The following ERCC1 variants were observed in gnomAD, a reference collection of about 807,000 sequenced individuals.
ERCC1 encodes DNA excision repair protein ERCC-1.
ERCC1 carries 36 observed loss-of-function variants against 37.6 expected under a neutral mutation model. The ratio of observed to expected loss-of-function variants is 0.96; its 90% CI spans 0.73 to 1.26. ERCC1 has a LOEUF of 1.26. Ranked by LOEUF, ERCC1 falls within the 50% of genes most tolerant of loss-of-function variation. ERCC1 has a pLI of 0.00. For synonymous variants in ERCC1, 156 were observed against 162.1 expected (o/e 0.96, Z 0.28); for missense variants, 349 against 376.5 (o/e 0.93, Z 0.60).
At chr19:45,429,750 A>G (rs1238779382) in intron 1 of ERCC1, among the ~76,000 whole-genome samples, 1 of 151,974 alleles carries the variant, frequency 6.6e-6, no homozygotes. Context: ...TACCTCCAGG[A>G]CCTGGTGCCC....
chr19:45,408,345 C>A lies in ERCC1; in HGVS notation c.*1330G>T. 1 of 1,608,124 alleles carries A rather than the reference C, an allele frequency of 6.2e-7. No homozygotes were observed. The highest frequency in any genetic ancestry group is 8.5e-7 in the Non-Finnish European group (1 of 1,175,770). On this transcript the variant is annotated 3_prime_UTR_variant, in exon 10 of 10. Transcript: ENST00000300853. ...CTTGAGGGTCCCCAGCAATCCCTGT[C>A]AGGGAGCCCTCTGCAGCCCATCCCA... is the stretch of plus-strand genomic sequence containing the variant.
At chr19:45,424,211 T>C, upstream of ERCC1, 1 of 229,016 alleles carries the variant, frequency 4.4e-6, no homozygotes, top group Non-Finnish European at 7.6e-6. Context: ...TTCAGTTTCC[T>C]CATTCATTCA....
At chr19:45,451,186 G>C (rs1377004653) in intron 1 of ERCC1, among the ~76,000 whole-genome samples, 2 of 152,118 alleles carry the variant, frequency 1.3e-5, no homozygotes, top group African/African-American at 4.8e-5. Context: ...CCTCCGCTCG[G>C]GTATCTGTCC....
chr19:45,430,640 C>T (rs1037207635), intron 1 of ERCC1, among the ~76,000 whole-genome samples: 2 of 152,090 alleles, frequency 1.3e-5, no homozygotes, highest in Admixed American at 6.6e-5. Context: ...AAGCGGGGCG[C>T]GGTGGCTCAT....
rs774742587 is a variant in ERCC1 at position 45,408,724 on chromosome 19, G to A, written c.*951C>T. 3.1e-6 allele frequency: 5 copies of A among 1,614,038 alleles called. No individual in the cohort carries two copies. The highest frequency in any genetic ancestry group is 3.3e-5 in the Admixed American group (2 of 60,016). On this transcript the variant is annotated 3_prime_UTR_variant, in exon 10 of 10. Coordinates refer to ENST00000300853, the MANE Select transcript of ERCC1 (RefSeq NM_001983.4). The stretch of plus-strand genomic sequence containing the variant: ...TGCTGTTCCCGTCCACCACCAAGAA[G>A]AGGAAGAAGCCCAAAGGGAAAGAAA...
In ERCC1 at chr19:45,420,093, G is replaced by A. The variant is rs888282733; in HGVS notation, c.425+231C>T. On this transcript the variant is annotated intron_variant, in intron 4 of 9. Coordinates refer to ENST00000300853, the MANE Select transcript of ERCC1 (RefSeq NM_001983.4). The surrounding 1 kb of genome is among the most constrained non-coding windows in gnomAD (Gnocchi z 4.8). ...CCTCCTCCCCCGGACCCAGGAGTCC[G>A]GCCCCCAGCCCCTCCTTCCTGAGAC... is the stretch of plus-strand genomic sequence containing the variant. 1.4e-5 allele frequency among the ~76,000 whole-genome samples: 2 copies of A among 139,834 alleles called. No homozygotes were observed. Among genetic ancestry groups the A allele is most frequent in the African/African-American group, 2.7e-5 (1 of 37,218 alleles). The allele number at this position is 139,834 out of a possible 152,430, so 91.7% of individuals were successfully genotyped here. A position where few individuals can be genotyped will look rare whatever the true frequency, so the allele number is the denominator to read the frequency against.
At position 45,420,140 on chromosome 19, in the gene ERCC1, CTT is replaced by C. The variant is rs536340666; in HGVS notation, c.425+182_425+183del. On this transcript the variant is annotated intron_variant, in intron 4 of 9. Transcript: ENST00000300853. This position sits in a 1 kb window ranked among gnomAD's most constrained non-coding sequence, Gnocchi z 4.8. ...AGACCCAGGAGTTCGGGCTCCAGCT[CTT>C]GTTGCACTGGGCACCTCCAGGCCAA... is the stretch of plus-strand genomic sequence containing the variant. 1.5e-3 allele frequency among the ~76,000 whole-genome samples: 232 copies of C among 152,240 alleles called. No homozygotes were observed. Among genetic ancestry groups the C allele is most frequent in the African/African-American group, 5.2e-3 (217 of 41,542 alleles).
intron 1 of ERCC1, among the ~76,000 whole-genome samples, chr19:45,445,654 A>G (rs1402434930): frequency 1.3e-5 from 2 of 152,066 alleles, no homozygotes; most frequent in Non-Finnish European, 2.9e-5. Context: ...AGCAAGTGCA[A>G]AGGGTGTAAG....
intron 1 of ERCC1, among the ~76,000 whole-genome samples, chr19:45,443,188 A>T (rs1599865117): frequency 1.3e-5 from 2 of 152,096 alleles, no homozygotes; most frequent in East Asian, 3.9e-4. Context: ...TGTCTAGTGA[A>T]GGAGGCCAGG....
intron 1 of ERCC1, among the ~76,000 whole-genome samples, chr19:45,437,544 A>G (rs1249294857): frequency 6.6e-6 from 1 of 152,222 alleles, no homozygotes; most frequent in African/African-American, 2.4e-5. Context: ...AAATTCTGCC[A>G]TTCAAGACAA....
chr19:45,429,978 T>G (rs1974793410), intron 1 of ERCC1, among the ~76,000 whole-genome samples: 1 of 152,310 alleles, frequency 6.6e-6, no homozygotes, highest in South Asian at 2.1e-4. Flanking sequence ...GAGATGGGGT[T>G]TCACCATGTT....
chr19:45,416,912 CAG>C lies in ERCC1; in HGVS notation c.526-17_526-16del, dbSNP rs1464514838. On this transcript the variant is annotated splice_polypyrimidine_tract_variant and intron_variant, in intron 5 of 9. Coordinates refer to ENST00000300853, the MANE Select transcript of ERCC1 (RefSeq NM_001983.4). ...TGGGGATCTTTCTGGAGGAGAAAAT[CAG>C]AATTAGAAACCTAGAAGCCAGGAAT... The C allele has an allele frequency of 1.2e-6, 2 of 1,602,596 alleles. No homozygotes were observed.
intron 1 of ERCC1, among the ~76,000 whole-genome samples, chr19:45,447,216 C>T (rs1391750550): frequency 2.0e-5 from 3 of 151,994 alleles, no homozygotes; most frequent in Non-Finnish European, 4.4e-5. Flanking sequence ...GAAATGTGGC[C>T]TTCTGCTCTG....
chr19:45,431,685 A>AAAC (rs1350925039), intron 1 of ERCC1, among the ~76,000 whole-genome samples: 38 of 151,560 alleles, frequency 2.5e-4, no homozygotes, highest in African/African-American at 8.5e-4. Flanking sequence ...CTCAAAAAAA[A>AAAC]AAAAAACCAG....
chr19:45,432,636 G>A (rs1485395818), intron 1 of ERCC1, among the ~76,000 whole-genome samples: 10 of 151,968 alleles, frequency 6.6e-5, no homozygotes. Context: ...CTTTGAACTG[G>A]GCTAAAGCAG....
At chr19:45,434,976 T>G (rs1325080047) in intron 1 of ERCC1, among the ~76,000 whole-genome samples, 1 of 150,350 alleles carries the variant, frequency 6.7e-6, no homozygotes, top group Non-Finnish European at 1.5e-5. Context: ...AGAGATGGGG[T>G]TTTTCCACGT....
intron 1 of ERCC1, among the ~76,000 whole-genome samples, chr19:45,433,619 C>A (rs1350996680): frequency 6.7e-6 from 1 of 150,016 alleles, no homozygotes; most frequent in African/African-American, 2.5e-5. Flanking sequence ...ACCCGGGAGA[C>A]AGAGGTTGCA....
chr19:45,434,059 A>C (rs1255716626), intron 1 of ERCC1, among the ~76,000 whole-genome samples: 1 of 145,332 alleles, frequency 6.9e-6, no homozygotes, highest in Non-Finnish European at 1.5e-5. Context: ...CAGGAGAATC[A>C]CTTGAACCCG....
chr19:45,425,077 G>C (rs1443728879), upstream of ERCC1, among the ~76,000 whole-genome samples: 4 of 132,224 alleles, frequency 3.0e-5, no homozygotes, highest in South Asian at 7.3e-4. Flanking sequence ...CACCATGCCC[G>C]GCTAATTTTT....
Sources: gnomAD v4.1 joint callset for allele counts (sites outside exome capture counted in the v4.1 genomes callset) on GRCh38, gnomAD v4.1.1 for gene constraint, Gnocchi (gnomAD v3.1) non-coding constraint, MANE v1.5 for transcripts, NCBI Gene and HGNC (gene_info 2026-07-23, HGNC 2026-07-21) for gene names.